Variants in BCAS3 observed in about 807,000 individuals in gnomAD.
BCAS3 encodes BCAS3 microtubule associated cell migration factor.
In BCAS3, 53 loss-of-function variants were observed where a neutral mutation model predicts 116.1. The observed-to-expected ratio is 0.46, with a 90% confidence interval of 0.37 to 0.57. The LOEUF (loss-of-function observed/expected upper bound fraction) is 0.57. Ranked by LOEUF, BCAS3 falls within the 20% of genes least tolerant of loss-of-function variation. The probability of loss-of-function intolerance (pLI) is 0.00; values close to 1 mark genes in which losing one functional copy is unlikely to be tolerated. For missense variants in BCAS3, 917 were observed against 1,165.4 expected (o/e 0.79, Z 3.10); for synonymous variants, 391 against 408.2 (o/e 0.96, Z 0.51).
intron 22 of BCAS3, among the ~76,000 whole-genome samples, chr17:61,137,938 A>T (rs2076730964): frequency 6.6e-6 from 1 of 152,188 alleles, no homozygotes. Flanking sequence ...TTAGATCCTG[A>T]TATGGTAGGA....
At position 61,325,794 on chromosome 17, in the gene BCAS3, T is replaced by A. The variant is rs2055680764; in HGVS notation, c.2426-42533T>A. Among the ~76,000 whole-genome samples, 1 of 152,294 alleles carries A rather than the reference T, an allele frequency of 6.6e-6. No homozygotes were observed. Among genetic ancestry groups the A allele is most frequent in the South Asian group, 2.1e-4 (1 of 4,810 alleles). ...TGTTTTTGAAATGAGTGTCTCCATT[T>A]TTCCTGGTCTTGGTGGCAAGATAAA... On this transcript the variant is annotated intron_variant, in intron 22 of 23. Coordinates refer to ENST00000407086, the MANE Select transcript of BCAS3 (RefSeq NM_017679.5). The surrounding 1 kb of genome is among the most constrained non-coding windows in gnomAD (Gnocchi z 6.4).
intron 22 of BCAS3, among the ~76,000 whole-genome samples, chr17:61,283,364 A>G (rs1487306208): frequency 3.9e-5 from 6 of 151,932 alleles, no homozygotes; most frequent in South Asian, 4.2e-4. Context: ...TATTTAGTTA[A>G]CTCTCCTATT....
rs758252950 is a variant in BCAS3, at chr17:60,960,576, C to T, written c.1221+13224C>T. 5.3e-5 allele frequency among the ~76,000 whole-genome samples: 8 copies of T among 152,164 alleles called. No individual in the cohort carries two copies. The highest frequency in any genetic ancestry group is 8.8e-5 in the Non-Finnish European group (6 of 68,042). ...TGGCTTGAGGCACTGCCCTCCTGGACTGCGGCTTCATTTTCTGGGCCTGTG... is the reference window on the plus strand; with the variant it reads ...TGGCTTGAGGCACTGCCCTCCTGGATTGCGGCTTCATTTTCTGGGCCTGTG... On this transcript the variant is annotated intron_variant, in intron 14 of 23. Transcript: ENST00000407086. The surrounding 1 kb of genome is among the most constrained non-coding windows in gnomAD (Gnocchi z 4.1).
At chr17:61,002,969 A>G (rs930382316) in intron 15 of BCAS3, among the ~76,000 whole-genome samples, 12 of 152,104 alleles carry the variant, frequency 7.9e-5, no homozygotes, top group Non-Finnish European at 1.6e-4. Context: ...ATTTATTATA[A>G]AAGTCAAAAA....
At chr17:60,715,126 CTCTT>C (rs959717651) in intron 5 of BCAS3, among the ~76,000 whole-genome samples, 2 of 149,368 alleles carry the variant, frequency 1.3e-5, no homozygotes, top group African/African-American at 4.9e-5. Flanking sequence ...TGTACTCTTT[CTCTT>C]TCTTTTTTTT....
At chr17:60,817,803 T>G (rs986842385) in intron 7 of BCAS3, among the ~76,000 whole-genome samples, 1 of 152,114 alleles carries the variant, frequency 6.6e-6, no homozygotes, top group Non-Finnish European at 1.5e-5. Flanking sequence ...ATGAAAAAAT[T>G]ATAATTGACT....
chr17:60,909,388 T>C (rs1244214858), intron 11 of BCAS3, among the ~76,000 whole-genome samples: 2 of 152,202 alleles, frequency 1.3e-5, no homozygotes, highest in Admixed American at 1.3e-4. Context: ...AGCCATAGCA[T>C]GTGCCAGAAT....
At chr17:61,237,524 T>C (rs2083159518) in intron 22 of BCAS3, among the ~76,000 whole-genome samples, 1 of 152,196 alleles carries the variant, frequency 6.6e-6, no homozygotes, top group African/African-American at 2.4e-5. Context: ...ACAATAAATC[T>C]TGTGGCTGCT....
In BCAS3 at chr17:60,699,442, A is replaced by G. The variant is rs534521957; in HGVS notation, c.214+9681A>G. On this transcript the variant is annotated intron_variant, in intron 4 of 23. Coordinates refer to ENST00000407086, the MANE Select transcript of BCAS3 (RefSeq NM_017679.5). The stretch of plus-strand genomic sequence containing the variant: ...CAGCATTTTGGCCTGGCTGGTCTTG[A>G]ACTTCTGACCTCAAGTGATCTGCCC... 3.3e-5 allele frequency among the ~76,000 whole-genome samples: 5 copies of G among 152,182 alleles called. No individual in the cohort carries two copies. In the South Asian group the frequency reaches 1.0e-3, roughly 32 times the overall value.
In BCAS3 at chr17:60,797,398, G is replaced by A. The variant is rs904094182; in HGVS notation, c.404-10606G>A. On this transcript the variant is annotated intron_variant, in intron 6 of 23. Coordinates refer to ENST00000407086, the MANE Select transcript of BCAS3 (RefSeq NM_017679.5). ...TATTTATTTATTTTTTTGTGGGGTG[G>A]GAAACAAGATCTTGCCATGTTGTCC... Among the ~76,000 whole-genome samples, 9 of 151,014 alleles carry A rather than the reference G, an allele frequency of 6.0e-5. No homozygotes were observed. The East Asian group carries it at 7.9e-4, about 13-fold the overall frequency.
At chr17:60,944,152 A>C (rs948087379) in intron 13 of BCAS3, among the ~76,000 whole-genome samples, 3 of 152,020 alleles carry the variant, frequency 2.0e-5, no homozygotes, top group Admixed American at 6.5e-5. Context: ...AATCAGTGAA[A>C]TTGAAAAGAG....
intron 6 of BCAS3, among the ~76,000 whole-genome samples, chr17:60,757,172 A>G (rs940685211): frequency 2.6e-5 from 4 of 151,656 alleles, no homozygotes; most frequent in Non-Finnish European, 4.4e-5. Context: ...AAGAAAAAAA[A>G]AAGGAGTTCC....
At chr17:60,965,480 C>T (rs934610867) in intron 14 of BCAS3, among the ~76,000 whole-genome samples, 3 of 152,058 alleles carry the variant, frequency 2.0e-5, no homozygotes, top group African/African-American at 7.2e-5. Flanking sequence ...CTCGGCTTAC[C>T]AAAGTGCTGG....
chr17:61,237,536 A>C lies in BCAS3; in HGVS notation c.2426-130791A>C, dbSNP rs150353625. 4.1e-3 allele frequency among the ~76,000 whole-genome samples: 623 copies of C among 152,300 alleles called. 4 individuals carry two copies. Among genetic ancestry groups the C allele is most frequent in the African/African-American group, 0.014 (582 of 41,562 alleles). On this transcript the variant is annotated intron_variant, in intron 22 of 23. Transcript: ENST00000407086. ...TTCACAATAAATCTTGTGGCTGCTC[A>C]CTGTTTGGGTCCTTGCCACCTTTAA...
At chr17:60,814,730 C>T (rs555788218) in intron 7 of BCAS3, among the ~76,000 whole-genome samples, 5 of 152,244 alleles carry the variant, frequency 3.3e-5, no homozygotes, top group East Asian at 1.9e-4. Context: ...AGGACTTCTC[C>T]AATTTTATTT....
At chr17:60,741,915 A>G (rs1490610503) in intron 5 of BCAS3, among the ~76,000 whole-genome samples, 2 of 152,244 alleles carry the variant, frequency 1.3e-5, no homozygotes, top group African/African-American at 2.4e-5. Flanking sequence ...GAATGTTTAC[A>G]TCAATATTCT....
chr17:60,752,494 G>T (rs1404611687), intron 6 of BCAS3, among the ~76,000 whole-genome samples: 4 of 151,532 alleles, frequency 2.6e-5, no homozygotes, highest in Non-Finnish European at 4.4e-5. Flanking sequence ...CGCGATCTTG[G>T]CTCACTGCAA....
In BCAS3 at chr17:61,283,141, A is replaced by G. The variant is rs537095990; in HGVS notation, c.2426-85186A>G. On this transcript the variant is annotated intron_variant, in intron 22 of 23. Coordinates refer to ENST00000407086, the MANE Select transcript of BCAS3 (RefSeq NM_017679.5). ...AAACGATTGGGCAGCCATGACATTCAATGGTGCTGCCTAGTTCCTTCAGAG... is the reference window on the plus strand; with the variant it reads ...AAACGATTGGGCAGCCATGACATTCGATGGTGCTGCCTAGTTCCTTCAGAG... Among the ~76,000 whole-genome samples, 4 of 152,178 alleles carry G rather than the reference A, an allele frequency of 2.6e-5. No homozygotes were observed. The East Asian group carries it at 7.7e-4, about 29-fold the overall frequency.
chr17:60,806,584 C>A (rs1040466074), intron 6 of BCAS3, among the ~76,000 whole-genome samples: 20 of 149,544 alleles, frequency 1.3e-4, no homozygotes, highest in Non-Finnish European at 2.7e-4. Flanking sequence ...CTGATTCTTG[C>A]TCTGTCATCC....
Sources: gnomAD v4.1 joint callset for allele counts (sites outside exome capture counted in the v4.1 genomes callset) on GRCh38, gnomAD v4.1.1 for gene constraint, Gnocchi (gnomAD v3.1) non-coding constraint, MANE v1.5 for transcripts, NCBI Gene and HGNC (gene_info 2026-07-23, HGNC 2026-07-21) for gene names.